GABRA3: variants seen among roughly 807,000 people sequenced by gnomAD.
The protein encoded by GABRA3 is gamma-aminobutyric acid receptor subunit alpha-3.
GABRA3 carries 10 observed loss-of-function variants against 30.1 expected under a neutral mutation model. The ratio of observed to expected loss-of-function variants is 0.33; its 90% CI spans 0.20 to 0.56. The LOEUF (loss-of-function observed/expected upper bound fraction) is 0.56. Among genes scored for constraint, GABRA3 ranks in the 20% least tolerant of loss-of-function variants. The pLI, the probability that GABRA3 is intolerant of heterozygous loss-of-function variation, is 0.89. For synonymous variants in GABRA3, 151 were observed against 146.8 expected, an observed-to-expected ratio of 1.03 and a Z score of -0.21; for missense variants, 233 against 392.0, an observed-to-expected ratio of 0.59 and a Z score of 3.42.
intron 1 of GABRA3, among the ~76,000 whole-genome samples, chrX:152,374,396 G>A (rs1373732321): frequency 1.1e-5 from 1 of 94,103 alleles, no homozygotes; most frequent in African/African-American, 4.1e-5. Context: ...GGCTGGAGAG[G>A]CTGGAGTGCA....
At chrX:152,392,876 T>G (rs765113763) in intron 1 of GABRA3, among the ~76,000 whole-genome samples, 60 of 112,181 alleles carry the variant, frequency 5.3e-4, no homozygotes, top group Admixed American at 3.8e-4. Context: ...TGGTGCTTAC[T>G]TAGACAGATA....
chrX:152,341,420 T>C (rs1336137603), intron 3 of GABRA3, among the ~76,000 whole-genome samples: 5 of 111,318 alleles, frequency 4.5e-5, no homozygotes, highest in Non-Finnish European at 9.4e-5. Flanking sequence ...GATCAAATGG[T>C]AGCTATACTT....
At chrX:152,378,872 C>G (rs1445096148) in intron 1 of GABRA3, among the ~76,000 whole-genome samples, 1 of 111,349 alleles carries the variant, frequency 9.0e-6, no homozygotes, top group Non-Finnish European at 1.9e-5. Context: ...GAAATAAAGA[C>G]TTTCATGTGA....
At chrX:152,252,290 G>C (rs1420932385) in intron 5 of GABRA3, among the ~76,000 whole-genome samples, 1 of 111,549 alleles carries the variant, frequency 9.0e-6, no homozygotes, top group African/African-American at 3.3e-5. Flanking sequence ...CCAAACTTAA[G>C]ACAGACTTTT....
chrX:152,233,622 G>T (rs1257395877), intron 5 of GABRA3, among the ~76,000 whole-genome samples: 1 of 109,444 alleles, frequency 9.1e-6, no homozygotes, highest in Non-Finnish European at 1.9e-5. Context: ...TTCAACCATT[G>T]TGGAAGTCGG....
chrX:152,220,108 A>G (rs986817943), intron 6 of GABRA3, among the ~76,000 whole-genome samples: 1 of 111,572 alleles, frequency 9.0e-6, no homozygotes, highest in Non-Finnish European at 1.9e-5. Flanking sequence ...ATGATTATGG[A>G]TAAAGAGCGT....
At chrX:152,229,095 T>C (rs972451353) in intron 5 of GABRA3, among the ~76,000 whole-genome samples, 2 of 111,444 alleles carry the variant, frequency 1.8e-5, no homozygotes, top group African/African-American at 6.5e-5. Flanking sequence ...AAAAATTCCA[T>C]GTCCTCTCTC....
chrX:152,323,161 C>T (rs756735546), intron 3 of GABRA3, among the ~76,000 whole-genome samples: 11 of 111,512 alleles, frequency 9.9e-5, no homozygotes, highest in Non-Finnish European at 2.1e-4. Flanking sequence ...TCAAAGTCAA[C>T]TCTTAATTAA....
At chrX:152,273,551 T>C (rs923843356) in intron 4 of GABRA3, among the ~76,000 whole-genome samples, 37 of 112,343 alleles carry the variant, frequency 3.3e-4, no homozygotes, top group Non-Finnish European at 1.5e-4. Context: ...TGCCCACCAA[T>C]GGATGAATGC....
intron 1 of GABRA3, among the ~76,000 whole-genome samples, chrX:152,396,665 T>C (rs748828896): frequency 8.5e-4 from 95 of 112,316 alleles, no homozygotes; most frequent in Non-Finnish European, 1.5e-3. Flanking sequence ...GGATACTACA[T>C]TGATATGTTA....
At chrX:152,302,259 GA>G (rs932672268) in intron 3 of GABRA3, among the ~76,000 whole-genome samples, 12 of 104,459 alleles carry the variant, frequency 1.1e-4, no homozygotes, top group Admixed American at 3.1e-4. Flanking sequence ...TTGCCAGATT[GA>G]AAAAAAAAAT....
At position 152,325,406 on chromosome X, in the gene GABRA3, G is replaced by T. The variant is rs776167244; in HGVS notation, c.262+20175C>A. Among the ~76,000 whole-genome samples the T allele has an allele frequency of 2.5e-3, 275 of 111,573 alleles. 1 individual carries two copies. Among genetic ancestry groups the T allele is most frequent in the African/African-American group, 8.6e-3 (264 of 30,714 alleles). Reference sequence around the variant, plus strand: ...ACGGACAGACTGCCTCCTCAAGTGGGTCCCTGACCCCCGAGTAGACTAACT... The same window carrying T: ...ACGGACAGACTGCCTCCTCAAGTGGTTCCCTGACCCCCGAGTAGACTAACT... On this transcript the variant is annotated intron_variant, in intron 3 of 9. Transcript: ENST00000370314.
At chrX:152,326,521 C>T (rs976457937) in intron 3 of GABRA3, among the ~76,000 whole-genome samples, 5 of 111,755 alleles carry the variant, frequency 4.5e-5, no homozygotes, top group South Asian at 3.8e-4. Flanking sequence ...AAAAACTCTA[C>T]GAGCCAGAAG....
At chrX:152,212,901 T>G (rs1012975780) in intron 6 of GABRA3, among the ~76,000 whole-genome samples, 17 of 111,133 alleles carry the variant, frequency 1.5e-4, no homozygotes, top group Non-Finnish European at 3.0e-4. Context: ...CTTTAATTCC[T>G]CAGCTTCTCT....
chrX:152,350,844 C>T (rs1010805456), intron 2 of GABRA3, among the ~76,000 whole-genome samples: 1 of 112,022 alleles, frequency 8.9e-6, no homozygotes, highest in South Asian at 3.7e-4. Flanking sequence ...GTCAAAATTT[C>T]TTCTTGATCA....
chrX:152,175,840 A>G (rs757241724), intron 9 of GABRA3, among the ~76,000 whole-genome samples: 50 of 110,788 alleles, frequency 4.5e-4, no homozygotes, highest in East Asian at 1.4e-3. Flanking sequence ...CAAGGCGGGC[A>G]GATCATGAGG....
chrX:152,190,893 A>AATAT (rs1937316716), intron 8 of GABRA3, among the ~76,000 whole-genome samples: 1 of 108,847 alleles, frequency 9.2e-6, no homozygotes, highest in African/African-American at 3.3e-5. Flanking sequence ...TATATAATAT[A>AATAT]AAATTGTGAT....
chrX:152,199,935 C>T (rs1025194468), intron 7 of GABRA3, among the ~76,000 whole-genome samples: 4 of 111,484 alleles, frequency 3.6e-5, no homozygotes, highest in Non-Finnish European at 7.5e-5. Context: ...CACTTCTCAC[C>T]ACTTCTACTG....
At chrX:152,277,667 A>G (rs1939112414) in intron 4 of GABRA3, among the ~76,000 whole-genome samples, 1 of 112,102 alleles carries the variant, frequency 8.9e-6, no homozygotes. Flanking sequence ...TATACGCTCC[A>G]AGGATGACTG....
Sources: gnomAD v4.1 joint callset for allele counts (sites outside exome capture counted in the v4.1 genomes callset) on GRCh38, gnomAD v4.1.1 for gene constraint, MANE v1.5 for transcripts, NCBI Gene and HGNC (gene_info 2026-07-23, HGNC 2026-07-21) for gene names.